The following RBFOX1 variants were observed in gnomAD, a reference collection of about 807,000 sequenced individuals.
RBFOX1 encodes RNA binding fox-1 homolog 1, also known as RNA binding protein fox-1 homolog 1.
A neutral mutation model predicts 57.7 loss-of-function variants in RBFOX1; 8 were observed. That is an observed-to-expected ratio of 0.14 (90% CI 0.08 to 0.25). RBFOX1 has a LOEUF of 0.25. Among genes scored for constraint, RBFOX1 ranks in the 10% least tolerant of loss-of-function variants. The pLI is 1.00. For synonymous variants in RBFOX1, 326 were observed against 222.4 expected, an observed-to-expected ratio of 1.47 and a Z score of -4.15; for missense variants, 611 against 548.5, an observed-to-expected ratio of 1.11 and a Z score of -1.14.
intron 4 of RBFOX1, among the ~76,000 whole-genome samples, chr16:7,382,957 G>C (rs1004220659): frequency 2.0e-5 from 3 of 152,202 alleles, no homozygotes; most frequent in Non-Finnish European, 4.4e-5. Flanking sequence ...CCACATTGAA[G>C]AGAAAAGAAG....
At chr16:5,660,859 A>G (rs2049622667) in intron 3 of RBFOX1, among the ~76,000 whole-genome samples, 1 of 152,122 alleles carries the variant, frequency 6.6e-6, no homozygotes, top group African/African-American at 2.4e-5. Context: ...AAGGATTCTG[A>G]GCTGGCTTTC....
At chr16:6,631,747 C>T (rs937529709) in intron 2 of RBFOX1, among the ~76,000 whole-genome samples, 2 of 152,070 alleles carry the variant, frequency 1.3e-5, no homozygotes, top group Non-Finnish European at 2.9e-5. Context: ...GGTGTCTGAA[C>T]TGACCTTGGG....
At chr16:6,964,376 T>C (rs1156900982) in intron 3 of RBFOX1, among the ~76,000 whole-genome samples, 5 of 152,208 alleles carry the variant, frequency 3.3e-5, no homozygotes, top group Non-Finnish European at 7.3e-5. Flanking sequence ...ATGGTGGATC[T>C]GTGTCGTTAT....
intron 4 of RBFOX1, among the ~76,000 whole-genome samples, chr16:7,292,413 T>A (rs1487692345): frequency 7.0e-6 from 1 of 142,278 alleles, no homozygotes; most frequent in Non-Finnish European, 1.5e-5. Context: ...ATGTATTATA[T>A]TATATATATA....
At chr16:5,819,707 C>T (rs2055776173) in intron 3 of RBFOX1, among the ~76,000 whole-genome samples, 1 of 152,240 alleles carries the variant, frequency 6.6e-6, no homozygotes, top group Admixed American at 6.5e-5. Context: ...TACCCTTTCC[C>T]TCTGCCATGC....
chr16:6,421,772 C>T (rs959225669), intron 2 of RBFOX1, among the ~76,000 whole-genome samples: 2 of 152,030 alleles, frequency 1.3e-5, no homozygotes, highest in Admixed American at 1.3e-4. Context: ...TTTATCTCAA[C>T]CTTGGCCCAG....
chr16:6,867,361 G>A (rs2060122702), intron 3 of RBFOX1, among the ~76,000 whole-genome samples: 1 of 151,964 alleles, frequency 6.6e-6, no homozygotes, highest in Non-Finnish European at 1.5e-5. Flanking sequence ...TTGGGGTAGT[G>A]ATTCTTTTTA....
intron 3 of RBFOX1, among the ~76,000 whole-genome samples, chr16:6,661,257 G>A (rs1449694208): frequency 2.6e-5 from 4 of 152,200 alleles, no homozygotes; most frequent in African/African-American, 7.2e-5. Flanking sequence ...CTAACTCTCA[G>A]TGGGTTAGAA....
At chr16:7,548,749 C>T (rs1443482477) in intron 5 of RBFOX1, among the ~76,000 whole-genome samples, 1 of 152,220 alleles carries the variant, frequency 6.6e-6, no homozygotes, top group Non-Finnish European at 1.5e-5. Flanking sequence ...GTTTTCTTCT[C>T]CACTTGAGGC....
intron 2 of RBFOX1, among the ~76,000 whole-genome samples, chr16:6,561,150 T>A (rs2097174382): frequency 6.6e-6 from 1 of 152,176 alleles, no homozygotes; most frequent in Non-Finnish European, 1.5e-5. Context: ...TGGATACTAG[T>A]CTGGAAGGCT....
intron 3 of RBFOX1, among the ~76,000 whole-genome samples, chr16:6,917,466 C>G (rs1414494766): frequency 3.3e-5 from 5 of 152,238 alleles, no homozygotes; most frequent in South Asian, 2.1e-4. Context: ...ACATCCATTT[C>G]TGTCTCCGCC....
chr16:5,570,417 C>T (rs981046176), intron 2 of RBFOX1, among the ~76,000 whole-genome samples: 1 of 152,108 alleles, frequency 6.6e-6, no homozygotes, highest in African/African-American at 2.4e-5. Flanking sequence ...TTAGTTAGGA[C>T]CTGACAGTCC....
At chr16:6,597,115 A>G (rs2154000372) in intron 2 of RBFOX1, among the ~76,000 whole-genome samples, 1 of 152,222 alleles carries the variant, frequency 6.6e-6, no homozygotes, top group Middle Eastern at 3.4e-3. Context: ...TTTTCTGGAG[A>G]AATTACAAAA....
chr16:7,573,179 G>A (rs558270516), intron 5 of RBFOX1, among the ~76,000 whole-genome samples: 45 of 152,178 alleles, frequency 3.0e-4, no homozygotes, highest in African/African-American at 9.9e-4. Flanking sequence ...AGCTACAGGT[G>A]GTGTCCCAGG....
At chr16:6,407,514 A>G (rs2093324226) in intron 2 of RBFOX1, among the ~76,000 whole-genome samples, 1 of 150,480 alleles carries the variant, frequency 6.6e-6, no homozygotes, top group South Asian at 2.1e-4. Flanking sequence ...ACAGAGAGAA[A>G]GAGAGGAGAA....
intron 4 of RBFOX1, among the ~76,000 whole-genome samples, chr16:7,180,717 A>G (rs992982306): frequency 2.6e-4 from 15 of 57,494 alleles, no homozygotes; most frequent in African/African-American, 7.0e-4. Flanking sequence ...TTATGATGAA[A>G]AAAAAAAAAA....
At chr16:7,633,542 C>A (rs138854639) in intron 11 of RBFOX1, among the ~76,000 whole-genome samples, 82 of 152,062 alleles carry the variant, frequency 5.4e-4, no homozygotes, top group African/African-American at 1.9e-3. Context: ...AAATAAACAC[C>A]CTTCAATAGA....
At chr16:7,006,040 C>T (rs1325237671) in intron 3 of RBFOX1, among the ~76,000 whole-genome samples, 3 of 152,196 alleles carry the variant, frequency 2.0e-5, no homozygotes, top group Non-Finnish European at 4.4e-5. Context: ...CGTGGTTCCT[C>T]ATGGTATATG....
At chr16:6,334,549 A>G (rs892640076) in intron 2 of RBFOX1, among the ~76,000 whole-genome samples, 1 of 151,856 alleles carries the variant, frequency 6.6e-6, no homozygotes, top group Non-Finnish European at 1.5e-5. Context: ...TAGAATCGTC[A>G]TTATATATTG....
Sources: allele counts gnomAD v4.1 joint callset (sites outside exome capture counted in the v4.1 genomes callset), GRCh38; gene constraint gnomAD v4.1.1; transcripts MANE v1.5; gene names NCBI Gene and HGNC (gene_info 2026-07-23, HGNC 2026-07-21).